The following UGT1A8 variants were observed in gnomAD, a reference collection of about 807,000 sequenced individuals.
UGT1A8 encodes UDP-glucuronosyltransferase 1A8.
Under a neutral mutation model 45.3 loss-of-function variants are expected in UGT1A8, and 39 were observed. The ratio of observed to expected loss-of-function variants is 0.86; its 90% CI spans 0.67 to 1.12. The LOEUF (loss-of-function observed/expected upper bound fraction) is 1.12, where lower values mean the gene tolerates loss of function less well. UGT1A8 is among the 50% of genes most tolerant of loss of function. The probability of loss-of-function intolerance (pLI) is 0.00; values close to 1 mark genes in which losing one functional copy is unlikely to be tolerated. For missense variants in UGT1A8, 719 were observed against 664.9 expected (o/e 1.08, Z -0.90); for synonymous variants, 275 against 249.2 (o/e 1.10, Z -0.97).
intron 1 of UGT1A8, among the ~76,000 whole-genome samples, chr2:233,631,926 T>C (rs374279104): frequency 6.6e-6 from 1 of 152,200 alleles, no homozygotes; most frequent in Non-Finnish European, 1.5e-5. Flanking sequence ...ATTTCCTGAA[T>C]GGTATTGCCT....
At chr2:233,630,716 A>C (rs1674384151) in intron 1 of UGT1A8, among the ~76,000 whole-genome samples, 1 of 151,774 alleles carries the variant, frequency 6.6e-6, no homozygotes, top group African/African-American at 2.4e-5. Flanking sequence ...GATGGCACAT[A>C]CTTTTTTATT....
chr2:233,686,717 C>T (rs528849540), intron 1 of UGT1A8, among the ~76,000 whole-genome samples: 1 of 152,350 alleles, frequency 6.6e-6, no homozygotes, highest in Admixed American at 6.5e-5. Context: ...CTCCCACCGG[C>T]TATGAAGGTC....
chr2:233,729,936 G>A (rs1335744695), intron 1 of UGT1A8: 1 of 1,613,890 alleles, frequency 6.2e-7, no homozygotes, highest in Admixed American at 1.7e-5. Flanking sequence ...GGCCAATCAT[G>A]CCCAACATGG....
At chr2:233,662,920 T>C (rs966332292) in intron 1 of UGT1A8, among the ~76,000 whole-genome samples, 2 of 152,118 alleles carry the variant, frequency 1.3e-5, no homozygotes, top group African/African-American at 2.4e-5. Context: ...TTTATTTATA[T>C]GGTATGTTAC....
intron 4 of UGT1A8, 111 bp from the exon 5 acceptor site, chr2:233,772,151 C>T (rs1700473345): frequency 1.3e-6 from 2 of 1,555,904 alleles, no homozygotes; most frequent in Non-Finnish European, 8.7e-7. Context: ...AACAGGTTTC[C>T]TTTCCCAAGT....
intron 1 of UGT1A8, among the ~76,000 whole-genome samples, chr2:233,629,830 C>T (rs895358455): frequency 2.6e-5 from 4 of 152,106 alleles, no homozygotes; most frequent in African/African-American, 9.7e-5. Flanking sequence ...TGGGGTTATG[C>T]ATTTATTCTT....
At position 233,625,212 on chromosome 2, in the gene UGT1A8, A is replaced by C. The variant is rs551255061; in HGVS notation, c.855+6650A>C. ...AATGCCCAACATCACTAATCATCAGAGAAATGAAAGTCAAAACCACAATGA... is the reference window on the plus strand; with the variant it reads ...AATGCCCAACATCACTAATCATCAGCGAAATGAAAGTCAAAACCACAATGA... On this transcript the variant is annotated intron_variant, in intron 1 of 4. Coordinates refer to ENST00000373450, the MANE Select transcript of UGT1A8 (RefSeq NM_019076.5). Among the ~76,000 whole-genome samples, 18 of 152,270 alleles carry C rather than the reference A, an allele frequency of 1.2e-4. 1 individual carries two copies. The East Asian group carries it at 3.3e-3, about 28-fold the overall frequency.
Position 233,760,912 on chromosome 2 carries a change from C to G in UGT1A8, c.856-6122C>G, listed in dbSNP as rs72551343. On this transcript the variant is annotated intron_variant, in intron 1 of 4. Transcript: ENST00000373450. ...TTCAGATCACATGACCTTCCTGCAG[C>G]GGGTGAAGAACATGCTCATTGCCTT... The G allele has an allele frequency of 6.2e-7, 1 of 1,614,070 alleles. No individual in the cohort carries two copies. The highest frequency in any genetic ancestry group is 1.3e-5 in the African/African-American group (1 of 74,930).
chr2:233,734,888 G>C (rs895051650), intron 1 of UGT1A8, among the ~76,000 whole-genome samples: 2 of 152,104 alleles, frequency 1.3e-5, no homozygotes, highest in African/African-American at 4.8e-5. Context: ...ACAGTTTGTT[G>C]TGATTTCTAT....
Position 233,618,476 on chromosome 2 carries a change from T to A in UGT1A8, c.769T>A (p.Phe257Ile), listed in dbSNP as rs1275884345. Residue 257 changes from phenylalanine to isoleucine, a missense_variant, in exon 1 of 5, where the codon TTT becomes ATT. Transcript: ENST00000373450. ...HTSIWLLRTD[F>I]VLDYPKPVMP... ...ATCAATTTGGTTGTTGCGAACAGAC[T>A]TTGTTTTGGACTATCCCAAACCCGT... 3.7e-6 allele frequency: 6 copies of A among 1,613,944 alleles called. No individual in the cohort carries two copies. The Admixed American group carries it at 1.0e-4, about 27-fold the overall frequency.
intron 1 of UGT1A8, chr2:233,729,455 T>G: frequency 2.5e-6 from 4 of 1,614,068 alleles, no homozygotes; most frequent in Non-Finnish European, 2.5e-6. Flanking sequence ...CTGAAGAAAT[T>G]TTTCAGAAGT....
chr2:233,729,966 C>G, intron 1 of UGT1A8: 1 of 1,614,088 alleles, frequency 6.2e-7, no homozygotes, highest in Non-Finnish European at 8.5e-7. Context: ...GGGGCATCAA[C>G]TGTGCCAACA....
chr2:233,713,333 G>A, intron 1 of UGT1A8: 3 of 1,614,196 alleles, frequency 1.9e-6, no homozygotes, highest in Non-Finnish European at 1.7e-6. Flanking sequence ...CTAGAAGAAT[G>A]GCAATTATGA....
intron 1 of UGT1A8, chr2:233,671,764 T>G: frequency 7.5e-7 from 1 of 1,337,662 alleles, no homozygotes; most frequent in Non-Finnish European, 9.8e-7. Flanking sequence ...CAAAAGCTAC[T>G]CATATATTCT....
At chr2:233,693,500 CCA>C in intron 1 of UGT1A8, 1 of 1,614,174 alleles carries the variant, frequency 6.2e-7, no homozygotes, top group Non-Finnish European at 8.5e-7. Flanking sequence ...TTTGGGCCTA[CCA>C]TCTGTGTACC....
At chr2:233,741,652 T>A (rs1179014053) in intron 1 of UGT1A8, 1 of 151,932 alleles carries the variant, frequency 6.6e-6, no homozygotes, top group Non-Finnish European at 1.5e-5. Context: ...GCCAGCTGAC[T>A]GCCATGTTCC....
At chr2:233,766,252 C>T (rs1204251588) in intron 1 of UGT1A8, among the ~76,000 whole-genome samples, 7 of 151,626 alleles carry the variant, frequency 4.6e-5, no homozygotes, top group South Asian at 2.1e-4. Flanking sequence ...GGAGTCAGAC[C>T]GCTCAGTGGC....
chr2:233,712,925 A>G (rs1228772732), intron 1 of UGT1A8: 1 of 1,611,920 alleles, frequency 6.2e-7, no homozygotes, highest in African/African-American at 1.3e-5. Flanking sequence ...GGTAATTAAG[A>G]CGAAGGAAAC....
At chr2:233,682,755 G>A (rs773040250) in intron 1 of UGT1A8, 2 of 1,613,724 alleles carry the variant, frequency 1.2e-6, no homozygotes, top group Admixed American at 1.7e-5. Flanking sequence ...ATCTTCATTG[G>A]TGGTATCAAC....
Sources: allele counts gnomAD v4.1 joint callset (sites outside exome capture counted in the v4.1 genomes callset), GRCh38; gene constraint gnomAD v4.1.1; transcripts MANE v1.5; gene names NCBI Gene and HGNC (gene_info 2026-07-23, HGNC 2026-07-21).